SUCLG2: variants seen among roughly 807,000 people sequenced by gnomAD.
The protein encoded by SUCLG2 is succinate--CoA ligase [GDP-forming] subunit beta, mitochondrial.
In SUCLG2, 42 loss-of-function variants were observed where a neutral mutation model predicts 47.9. That is an observed-to-expected ratio of 0.88 (90% CI 0.69 to 1.14). The LOEUF (loss-of-function observed/expected upper bound fraction) is 1.14. Among genes scored for constraint, SUCLG2 ranks in the 50% most tolerant of loss-of-function variants. The pLI, the probability that SUCLG2 is intolerant of heterozygous loss-of-function variation, is 0.00. For missense variants in SUCLG2, 571 were observed against 525.9 expected, an observed-to-expected ratio of 1.09 and a Z score of -0.84; for synonymous variants, 195 against 197.3, an observed-to-expected ratio of 0.99 and a Z score of 0.10.
At chr3:67,626,020 T>TATA (rs557460830) in intron 1 of SUCLG2, among the ~76,000 whole-genome samples, 28 of 138,264 alleles carry the variant, frequency 2.0e-4, no homozygotes, top group African/African-American at 4.7e-4. Flanking sequence ...ATATATATAT[T>TATA]TACATTTTTT....
chr3:67,624,708 A>T (rs1197478076), intron 1 of SUCLG2, among the ~76,000 whole-genome samples: 1 of 152,234 alleles, frequency 6.6e-6, no homozygotes, highest in Non-Finnish European at 1.5e-5. Flanking sequence ...TATTACTTTT[A>T]TCTATAAGAA....
chr3:67,419,464 T>C (rs2106855129), intron 9 of SUCLG2, among the ~76,000 whole-genome samples: 1 of 152,300 alleles, frequency 6.6e-6, no homozygotes, highest in East Asian at 1.9e-4. Flanking sequence ...TCATGAACCA[T>C]AATATTAACA....
chr3:67,417,046 T>G (rs9826019), intron 9 of SUCLG2, among the ~76,000 whole-genome samples: 13,033 of 151,978 alleles, frequency 0.086, 666 homozygotes, highest in African/African-American at 0.14. Context: ...TTTGATTCTC[T>G]GAAAAGAAAG....
intron 9 of SUCLG2, among the ~76,000 whole-genome samples, chr3:67,427,129 G>T (rs568009173): frequency 2.6e-5 from 4 of 152,210 alleles, no homozygotes; most frequent in Non-Finnish European, 4.4e-5. Flanking sequence ...TATTAGTAAT[G>T]GTTCCAGTCA....
At chr3:67,376,234 A>C (rs1559636641) in intron 10 of SUCLG2, 5 of 985,338 alleles carry the variant, frequency 5.1e-6, no homozygotes, top group Non-Finnish European at 6.0e-6. Flanking sequence ...GATTTGAGAA[A>C]GGAAGTTCCG....
intron 9 of SUCLG2, among the ~76,000 whole-genome samples, chr3:67,443,375 G>A (rs1243332472): frequency 1.5e-5 from 1 of 67,016 alleles, no homozygotes; most frequent in Non-Finnish European, 3.2e-5. Context: ...GGCAGCGGCT[G>A]GAGGAGCGGA....
intron 9 of SUCLG2, among the ~76,000 whole-genome samples, chr3:67,478,152 C>A (rs1419074635): frequency 1.3e-5 from 2 of 152,190 alleles, no homozygotes; most frequent in Admixed American, 1.3e-4. Flanking sequence ...TCAACAATGC[C>A]TGGCCGGTGG....
chr3:67,619,659 C>A (rs77567835), intron 1 of SUCLG2, among the ~76,000 whole-genome samples: 6,205 of 152,210 alleles, frequency 0.041, 146 homozygotes, highest in Middle Eastern at 0.068. Flanking sequence ...CTGCCTTGTT[C>A]TTTTTATCCT....
chr3:67,516,534 G>A (rs924054827), intron 6 of SUCLG2, among the ~76,000 whole-genome samples: 1 of 152,110 alleles, frequency 6.6e-6, no homozygotes, highest in Non-Finnish European at 1.5e-5. Flanking sequence ...TTATTTATCT[G>A]CCATGAAAAG....
chr3:67,400,931 C>T lies in SUCLG2; in HGVS notation c.1063-80G>A. 1.9e-6 allele frequency: 3 copies of T among 1,579,014 alleles called. No homozygotes were observed. The South Asian group carries it at 3.5e-5, about 18-fold the overall frequency. ...AAAATAACTGGTTAAATAATAGAGA[C>T]AATTAAAATAAGACTGCTCGTTTTT... is the stretch of plus-strand genomic sequence containing the variant. On this transcript the variant is annotated intron_variant, in intron 9 of 10. Coordinates refer to ENST00000307227, the MANE Select transcript of SUCLG2 (RefSeq NM_003848.4).
intron 2 of SUCLG2, among the ~76,000 whole-genome samples, chr3:67,569,060 G>A (rs895234626): frequency 2.6e-5 from 4 of 152,066 alleles, no homozygotes; most frequent in African/African-American, 9.7e-5. Flanking sequence ...GAGCTTTTCA[G>A]TTATGATCCC....
chr3:67,572,970 G>A (rs925127667), intron 2 of SUCLG2, among the ~76,000 whole-genome samples: 1 of 151,830 alleles, frequency 6.6e-6, no homozygotes, highest in Admixed American at 6.6e-5. Flanking sequence ...AGAAAAGGAA[G>A]GTCACAGGAT....
At chr3:67,371,023 A>G (rs1316153410), downstream of SUCLG2, among the ~76,000 whole-genome samples, 1 of 152,226 alleles carries the variant, frequency 6.6e-6, no homozygotes, top group Non-Finnish European at 1.5e-5. Flanking sequence ...GTAATTGAAA[A>G]AAAACTCCAA....
intron 10 of SUCLG2, chr3:67,376,153 T>C: frequency 5.2e-6 from 5 of 959,216 alleles, no homozygotes; most frequent in Non-Finnish European, 6.1e-6. Context: ...TTTAATGCGG[T>C]TTTGGCCCAC....
At chr3:67,558,591 TG>T (rs1707224074) in intron 2 of SUCLG2, among the ~76,000 whole-genome samples, 1 of 152,108 alleles carries the variant, frequency 6.6e-6, no homozygotes, top group Non-Finnish European at 1.5e-5. Flanking sequence ...TGAGTTGAGT[TG>T]AAAAGAATAG....
intron 1 of SUCLG2, among the ~76,000 whole-genome samples, chr3:67,614,155 G>A (rs1700582487): frequency 6.6e-6 from 1 of 152,152 alleles, no homozygotes; most frequent in Admixed American, 6.5e-5. Flanking sequence ...AGAATGCAAG[G>A]AATGGAATGG....
At chr3:67,600,429 T>C (rs2107296081) in intron 2 of SUCLG2, among the ~76,000 whole-genome samples, 1 of 152,334 alleles carries the variant, frequency 6.6e-6, no homozygotes, top group East Asian at 1.9e-4. Flanking sequence ...CAATCATTCC[T>C]TGAAGTATGT....
chr3:67,608,691 T>A (rs957431432), intron 2 of SUCLG2, among the ~76,000 whole-genome samples: 5 of 140,732 alleles, frequency 3.6e-5, no homozygotes, highest in Non-Finnish European at 6.2e-5. Context: ...TTTTTTTTTT[T>A]AAGAGAGAGA....
intron 1 of SUCLG2, among the ~76,000 whole-genome samples, chr3:67,638,440 A>T (rs1045670461): frequency 6.6e-6 from 1 of 152,188 alleles, no homozygotes; most frequent in African/African-American, 2.4e-5. Context: ...TGACAGTGTG[A>T]AGCTGTTCAT....
Sources: gnomAD v4.1 joint callset for allele counts (sites outside exome capture counted in the v4.1 genomes callset) on GRCh38, gnomAD v4.1.1 for gene constraint, MANE v1.5 for transcripts, NCBI Gene and HGNC (gene_info 2026-07-23, HGNC 2026-07-21) for gene names.